The following STN1 variants were observed in gnomAD, a reference collection of about 807,000 sequenced individuals.
STN1 encodes the protein STN1 subunit of CST complex.
Under a neutral mutation model 45.5 loss-of-function variants are expected in STN1, and 29 were observed. The ratio of observed to expected loss-of-function variants is 0.64; its 90% confidence interval spans 0.47 to 0.87. The LOEUF (loss-of-function observed/expected upper bound fraction) is 0.87. Ranked by LOEUF, STN1 falls within the 40% of genes least tolerant of loss-of-function variation. The probability of loss-of-function intolerance (pLI) is 0.00; values close to 1 mark genes in which losing one functional copy is unlikely to be tolerated. For missense variants in STN1, 376 were observed against 441.4 expected (o/e 0.85, Z 1.33); for synonymous variants, 148 against 159.0 (o/e 0.93, Z 0.52).
intron 8 of STN1, among the ~76,000 whole-genome samples, chr10:103,890,636 C>T (rs181376334): frequency 7.2e-4 from 109 of 152,336 alleles, no homozygotes; most frequent in African/African-American, 2.2e-3. Context: ...AACTCCCACC[C>T]GGCCTTCCCA....
intron 4 of STN1, among the ~76,000 whole-genome samples, chr10:103,900,893 G>A (rs2475216): frequency 0.3 from 45,958 of 152,044 alleles, 8,016 homozygotes; most frequent in East Asian, 0.64. Flanking sequence ...AAGAAGAATC[G>A]TCACGAATGT....
chr10:103,914,374 A>ATATTT lies in STN1; in HGVS notation c.133+3087_133+3088insAAATA, dbSNP rs1554837551. Among the ~76,000 whole-genome samples, 280 of 97,354 alleles carry ATATTT rather than the reference A, an allele frequency of 2.9e-3. 14 individuals are homozygous for ATATTT. Among genetic ancestry groups the ATATTT allele is most frequent in the African/African-American group, 0.013 (272 of 20,420 alleles). The allele number at this position is 97,354 out of a possible 152,430, so 63.9% of individuals were successfully genotyped here. ...TATATATATATATATATATATATAT[A>ATATTT]TTTTTTTTTTTTTTTTTTGAGACAG... On this transcript the variant is annotated intron_variant, in intron 2 of 9. Coordinates refer to ENST00000224950, the MANE Select transcript of STN1 (RefSeq NM_024928.5).
Position 103,900,226 on chromosome 10 carries a change from G to A in STN1, c.296-3C>T, listed in dbSNP as rs571436832. ...CTCTCTTGCTGCACTTGGAGCAGCT[G>A]TAGTTGTTTAGAGCCAGAGGGAAAG... On this transcript the variant is annotated splice_region_variant and splice_polypyrimidine_tract_variant and intron_variant, in intron 4 of 9. Coordinates refer to ENST00000224950, the MANE Select transcript of STN1 (RefSeq NM_024928.5). The A allele has an allele frequency of 2.5e-6, 4 of 1,613,474 alleles. No homozygotes were observed. Among genetic ancestry groups the A allele is most frequent in the South Asian group, 1.1e-5 (1 of 90,990 alleles).
chr10:103,887,742 T>C (rs1224250885), intron 9 of STN1, among the ~76,000 whole-genome samples: 1 of 152,164 alleles, frequency 6.6e-6, no homozygotes, highest in Non-Finnish European at 1.5e-5. Context: ...TGGGTAGATG[T>C]AGATGTTAAA....
At chr10:103,900,468 G>A (rs1424066670) in intron 4 of STN1, among the ~76,000 whole-genome samples, 1 of 152,188 alleles carries the variant, frequency 6.6e-6, no homozygotes, top group Non-Finnish European at 1.5e-5. Context: ...CAGCGGGCAA[G>A]TTCCGACAGG....
chr10:103,886,252 T>G (rs1843102110), intron 9 of STN1, among the ~76,000 whole-genome samples: 2 of 152,184 alleles, frequency 1.3e-5, no homozygotes, highest in South Asian at 4.1e-4. Context: ...GGCTGCCATT[T>G]TGGAACTCAT....
rs1199973685 is a variant in STN1 at position 103,878,348 on chromosome 10, C to T, written c.*4336G>A. The T allele has an allele frequency of 6.6e-6, 1 of 152,162 alleles. No homozygotes were observed. The highest frequency in any genetic ancestry group is 1.5e-5 in the Non-Finnish European group (1 of 68,036). The allele number at this position is 152,162 out of a possible 1,614,324, so 9.4% of individuals were successfully genotyped here. A position where few individuals can be genotyped will look rare whatever the true frequency, so the allele number is the denominator to read the frequency against. On this transcript the variant is annotated 3_prime_UTR_variant, in exon 10 of 10. Coordinates refer to ENST00000224950, the MANE Select transcript of STN1 (RefSeq NM_024928.5). ...AGCAGTGACCCAGCTGTGGTTAGCT[C>T]CAGAGAGTTTTCTAAGAGTCCCTCA... is the stretch of plus-strand genomic sequence containing the variant.
Position 103,905,140 on chromosome 10 carries a change from T to C in STN1, c.246A>G (p.Gly82=), listed in dbSNP as rs766635321. 3 of 1,614,006 alleles carry C rather than the reference T, an allele frequency of 1.9e-6. No homozygotes were observed. Among genetic ancestry groups the C allele is most frequent in the Non-Finnish European group, 1.7e-6 (2 of 1,179,900 alleles). Residue 82 remains glycine (G), a synonymous_variant, in exon 4 of 10, where the codon GGA becomes GGG. Coordinates refer to ENST00000224950, the MANE Select transcript of STN1 (RefSeq NM_024928.5). ...FYSYGVDDST[G]VINCICWKKL... ...TTTTCCAGCAGATGCAGTTTATAAC[T>C]CCAGTGCTGTCATCCACTGCAAGAG...
In STN1 at chr10:103,911,014, C is replaced by CTT. The variant is rs10668099; in HGVS notation, c.134-394_134-393dup. Among the ~76,000 whole-genome samples the CTT allele has an allele frequency of 9.3e-3, 1,332 of 143,108 alleles. 11 individuals are homozygous for CTT. The highest frequency in any genetic ancestry group is 0.023 in the Admixed American group (336 of 14,420). 93.9% of individuals were successfully genotyped at this position (143,108 alleles called of 152,430 possible). A position where few individuals can be genotyped will look rare whatever the true frequency, so the allele number is the denominator to read the frequency against. On this transcript the variant is annotated intron_variant, in intron 2 of 9. Coordinates refer to ENST00000224950, the MANE Select transcript of STN1 (RefSeq NM_024928.5). ...GAAACCATGAGAAAGGCTTCTTTGG[C>CTT]TTTTTTTTTTTTTCAAACAAGTGCT...
chr10:103,899,081 C>A, intron 5 of STN1, 81 bp from the exon 6 acceptor site: 1 of 1,489,494 alleles, frequency 6.7e-7, no homozygotes, highest in East Asian at 2.3e-5. Flanking sequence ...CAAACTGCTG[C>A]TAAGACAACA....
At chr10:103,898,795 T>G in intron 6 of STN1, 82 bp downstream of exon 6, 1 of 1,549,348 alleles carries the variant, frequency 6.5e-7, no homozygotes, top group East Asian at 2.2e-5. Flanking sequence ...GATTTGAACC[T>G]AGGCCGATCC....
rs964661298 is a variant in STN1 at position 103,878,119 on chromosome 10, G to A, written c.*4565C>T. 6.6e-6 allele frequency: 1 copy of A among 152,234 alleles called. No homozygotes were observed. Among genetic ancestry groups the A allele is most frequent in the Non-Finnish European group, 1.5e-5 (1 of 68,044 alleles). The allele number at this position is 152,234 out of a possible 1,614,324, so 9.4% of individuals were successfully genotyped here. ...AAGAAGTGTCTTACAGGGATGGGGA[G>A]CACTGGTGGCTTACCATATGGGCAT... On this transcript the variant is annotated 3_prime_UTR_variant, in exon 10 of 10. Transcript: ENST00000224950.
In STN1 at chr10:103,880,885, G is replaced by GTATA. The variant is rs147713550; in HGVS notation, c.*1795_*1798dup. ...GAAGGGAGTGGTCGACTGTGTGTGTGTATATATATATATATGTACATGTGC... is the reference window on the plus strand; with the variant it reads ...GAAGGGAGTGGTCGACTGTGTGTGTGTATATATATATATATATATGTACATGTGC... On this transcript the variant is annotated 3_prime_UTR_variant, in exon 10 of 10. Transcript: ENST00000224950. 2.2e-4 allele frequency among the ~76,000 whole-genome samples: 33 copies of GTATA among 150,158 alleles called. No homozygotes were observed. Among genetic ancestry groups the GTATA allele is most frequent in the African/African-American group, 7.3e-4 (30 of 41,048 alleles).
chr10:103,915,592 T>C (rs1002396925), intron 2 of STN1, among the ~76,000 whole-genome samples: 2 of 152,260 alleles, frequency 1.3e-5, no homozygotes, highest in African/African-American at 2.4e-5. Flanking sequence ...TTGGGGTTTG[T>C]CTTTGTTATT....
At chr10:103,909,354 C>CAAA (rs1182343917) in intron 3 of STN1, among the ~76,000 whole-genome samples, 3 of 61,292 alleles carry the variant, frequency 4.9e-5, no homozygotes, top group African/African-American at 1.3e-4. Context: ...TTTTCAGAAT[C>CAAA]AAAAAAAAAA....
At chr10:103,895,328 GTC>G (rs1246227164) in intron 7 of STN1, among the ~76,000 whole-genome samples, 1 of 152,158 alleles carries the variant, frequency 6.6e-6, no homozygotes, top group African/African-American at 2.4e-5. Context: ...GAGTCCTTAA[GTC>G]TCTCTCTCTA....
At chr10:103,916,126 C>T (rs146325340) in intron 2 of STN1, among the ~76,000 whole-genome samples, 3 of 152,288 alleles carry the variant, frequency 2.0e-5, no homozygotes, top group Admixed American at 1.3e-4. Context: ...CTGCTTTAAC[C>T]GTGAGGTTTC....
intron 4 of STN1, among the ~76,000 whole-genome samples, chr10:103,900,730 A>ACTGT (rs1554836755): frequency 6.8e-6 from 1 of 146,106 alleles, no homozygotes; most frequent in African/African-American, 2.5e-5. Context: ...ACACACACAC[A>ACTGT]CTCTCTCTCT....
chr10:103,885,430 C>A (rs1452157308), intron 9 of STN1, among the ~76,000 whole-genome samples: 1 of 152,048 alleles, frequency 6.6e-6, no homozygotes, highest in Non-Finnish European at 1.5e-5. Flanking sequence ...TCCATGGGGC[C>A]CAAAGCAGTG....
Sources: allele counts gnomAD v4.1 joint callset (sites outside exome capture counted in the v4.1 genomes callset), GRCh38; gene constraint gnomAD v4.1.1; transcripts MANE v1.5; gene names NCBI Gene and HGNC (gene_info 2026-07-23, HGNC 2026-07-21).